Variants in PLEKHG3 observed in about 807,000 individuals in gnomAD.
The protein encoded by PLEKHG3 is pleckstrin homology domain-containing family G member 3.
PLEKHG3 carries 62 observed loss-of-function variants against 94.9 expected under a neutral mutation model. The ratio of observed to expected loss-of-function variants is 0.65; its 90% CI spans 0.53 to 0.81. The LOEUF is 0.81. PLEKHG3 is among the 30% of genes least tolerant of loss of function. PLEKHG3 has a pLI of 0.00. For synonymous variants in PLEKHG3, 614 were observed against 654.0 expected (o/e 0.94, Z 0.93); for missense variants, 1,461 against 1,619.3 (o/e 0.90, Z 1.68).
chr14:64,735,984 G>T (rs1279165960), intron 12 of PLEKHG3, among the ~76,000 whole-genome samples: 2 of 152,248 alleles, frequency 1.3e-5, no homozygotes, highest in Admixed American at 1.3e-4. Context: ...TATGTATGTT[G>T]TGTGTGTCAG....
chr14:64,716,466 A>AC lies in PLEKHG3; in HGVS notation c.-39-11127_-39-11126insC, dbSNP rs1555359403. Among the ~76,000 whole-genome samples, 576 of 86,410 alleles carry AC rather than the reference A, an allele frequency of 6.7e-3. 7 individuals carry two copies. Among genetic ancestry groups the AC allele is most frequent in the South Asian group, 0.014 (37 of 2,634 alleles). 56.7% of individuals were successfully genotyped at this position (86,410 alleles called of 152,430 possible). A position where few individuals can be genotyped will look rare whatever the true frequency, so the allele number is the denominator to read the frequency against. On this transcript the variant is annotated intron_variant, in intron 1 of 16. Transcript: ENST00000247226. This position sits in a 1 kb window ranked among gnomAD's most constrained non-coding sequence, Gnocchi z 5.0. ...CACACACACACACACACACACACAC[A>AC]ACACACACACACACAACACACACAC...
chr14:64,748,911 AG>A lies in PLEKHG3; in HGVS notation c.*5209del, dbSNP rs1248596730. On this transcript the variant is annotated 3_prime_UTR_variant, in exon 17 of 17. Coordinates refer to ENST00000247226, the MANE Select transcript of PLEKHG3 (RefSeq NM_001308147.2). ...TGCTTTAGGAACGGGCAGCGTTTGAAGAACCCCATCAGCCTTCTCCAGCTCT... is the reference window on the plus strand; with the variant it reads ...TGCTTTAGGAACGGGCAGCGTTTGAAAACCCCATCAGCCTTCTCCAGCTCT... 5.4e-6 allele frequency: 1 copy of A among 184,152 alleles called. No individual in the cohort carries two copies. The highest frequency in any genetic ancestry group is 1.1e-5 in the Non-Finnish European group (1 of 90,342). The allele number at this position is 184,152 out of a possible 1,614,324, so 11.4% of individuals were successfully genotyped here.
Position 64,732,301 on chromosome 14 carries a change from A to G in PLEKHG3, c.1212+120A>G. The G allele has an allele frequency of 8.2e-7, 1 of 1,217,988 alleles. No individual in the cohort carries two copies. The highest frequency in any genetic ancestry group is 1.2e-6 in the Non-Finnish European group (1 of 821,302). 75.4% of individuals were successfully genotyped at this position (1,217,988 alleles called of 1,614,324 possible). On this transcript the variant is annotated intron_variant, in intron 10 of 16. Transcript: ENST00000247226. The surrounding 1 kb of genome is among the most constrained non-coding windows in gnomAD (Gnocchi z 4.9). The stretch of plus-strand genomic sequence containing the variant: ...GCTCCAGTGGACAGTGAGTGTCAGT[A>G]CAGCAGATGCCCCGGGCCTTGGTGC...
chr14:64,723,434 AAAG>A lies in PLEKHG3; in HGVS notation c.-39-4157_-39-4155del, dbSNP rs1255642088. On this transcript the variant is annotated intron_variant, in intron 1 of 16. Transcript: ENST00000247226. This position sits in a 1 kb window ranked among gnomAD's most constrained non-coding sequence, Gnocchi z 4.5. ...GACAGAGGGAGACCCTGCCTCAAAA[AAAG>A]AGAAAAGTCTTTGGGGACCTGCTCA... Among the ~76,000 whole-genome samples, 1 of 152,182 alleles carries A rather than the reference AAAG, an allele frequency of 6.6e-6. No individual in the cohort carries two copies. The highest frequency in any genetic ancestry group is 1.9e-4 in the East Asian group (1 of 5,190).
chr14:64,742,645 T>C lies in PLEKHG3; in HGVS notation c.2938+190T>C, dbSNP rs58703532. 9.5e-3 allele frequency among the ~76,000 whole-genome samples: 1,443 copies of C among 152,328 alleles called. 24 individuals carry two copies. Among genetic ancestry groups the C allele is most frequent in the African/African-American group, 0.033 (1,367 of 41,572 alleles). ...CAGTGCTCTGAGGCCAAGCTTGCTC[T>C]CTTGGTTAAGCCCTTTTGATGCCCT... On this transcript the variant is annotated intron_variant, in intron 16 of 16. Coordinates refer to ENST00000247226, the MANE Select transcript of PLEKHG3 (RefSeq NM_001308147.2).
At chr14:64,708,992 C>T (rs1467396166) in intron 1 of PLEKHG3, among the ~76,000 whole-genome samples, 3 of 152,114 alleles carry the variant, frequency 2.0e-5, no homozygotes, top group South Asian at 4.1e-4. Context: ...TGTTGGGTGA[C>T]CTGAAGTCAG....
In PLEKHG3 at chr14:64,731,887, A is replaced by G. The variant is rs1303084219; in HGVS notation, c.1125+81A>G. 2.9e-6 allele frequency: 3 copies of G among 1,047,768 alleles called. No homozygotes were observed. The highest frequency in any genetic ancestry group is 2.6e-5 in the South Asian group (2 of 78,206). The allele number at this position is 1,047,768 out of a possible 1,614,324, so 64.9% of individuals were successfully genotyped here. A position where few individuals can be genotyped will look rare whatever the true frequency, so the allele number is the denominator to read the frequency against. ...CGTGGGACTCCTGGCTCCTCTGCTC[A>G]CCTAGCTGCCCCAAGCCCCAGTGTC... On this transcript the variant is annotated intron_variant, in intron 9 of 16. Coordinates refer to ENST00000247226, the MANE Select transcript of PLEKHG3 (RefSeq NM_001308147.2). The surrounding 1 kb of genome is among the most constrained non-coding windows in gnomAD (Gnocchi z 6.1).
intron 12 of PLEKHG3, 146 bp downstream of exon 12, chr14:64,733,047 G>A (rs753479304): frequency 1.3e-5 from 8 of 592,998 alleles, no homozygotes; most frequent in Admixed American, 3.0e-5. Context: ...ACACACCTGG[G>A]GCTCATCCTC....
At chr14:64,740,820 G>A (rs569469306) in intron 15 of PLEKHG3, among the ~76,000 whole-genome samples, 1 of 152,318 alleles carries the variant, frequency 6.6e-6, no homozygotes, top group African/African-American at 2.4e-5. Flanking sequence ...TTGAGGACAT[G>A]GGCCCAGCAC....
rs749944411 is a variant in PLEKHG3, at chr14:64,731,157, G to A, written c.837G>A (p.Ala279=). 7.4e-6 allele frequency: 12 copies of A among 1,612,308 alleles called. No individual in the cohort carries two copies. The highest frequency in any genetic ancestry group is 5.0e-5 in the Admixed American group (3 of 59,996). ...INDMKRRHEH[A]VRLQEIQSLL... is the part of the protein sequence containing the mutation. ...ACATGAAGAGGAGGCATGAGCACGC[G>A]GTCCGGCTCCAGGTGCTCTGGGGCT... The change falls in exon 7 of 17, where the codon GCG becomes GCA. Residue 279 remains alanine, a synonymous_variant. Transcript: ENST00000247226. This position sits in a 1 kb window ranked among gnomAD's most constrained non-coding sequence, Gnocchi z 6.1.
At chr14:64,719,503 C>G (rs1382329308) in intron 1 of PLEKHG3, among the ~76,000 whole-genome samples, 1 of 151,874 alleles carries the variant, frequency 6.6e-6, no homozygotes. Flanking sequence ...GTGACTTGCC[C>G]AAGGCCACAT....
Position 64,727,286 on chromosome 14 carries a change from T to C in PLEKHG3, c.-39-307T>C, listed in dbSNP as rs894541615. Among the ~76,000 whole-genome samples, 1 of 152,190 alleles carries C rather than the reference T, an allele frequency of 6.6e-6. No individual in the cohort carries two copies. Among genetic ancestry groups the C allele is most frequent in the Non-Finnish European group, 1.5e-5 (1 of 68,016 alleles). On this transcript the variant is annotated intron_variant, in intron 1 of 16. Coordinates refer to ENST00000247226, the MANE Select transcript of PLEKHG3 (RefSeq NM_001308147.2). This position sits in a 1 kb window ranked among gnomAD's most constrained non-coding sequence, Gnocchi z 6.0. ...CACCCTCATCAGTGCTCATAGAGTC[T>C]GAGAACAGGGCCCTTCTTGGGATTC...
chr14:64,716,468 C>A lies in PLEKHG3; in HGVS notation c.-39-11125C>A, dbSNP rs866506829. On this transcript the variant is annotated intron_variant, in intron 1 of 16. Transcript: ENST00000247226. The surrounding 1 kb of genome is among the most constrained non-coding windows in gnomAD (Gnocchi z 5.0). ...CACACACACACACACACACACACAA[C>A]ACACACACACACAACACACACACAC... 0.03 allele frequency among the ~76,000 whole-genome samples: 2,805 copies of A among 92,442 alleles called. 126 individuals carry two copies. Among genetic ancestry groups the A allele is most frequent in the African/African-American group, 0.11 (2,609 of 24,368 alleles). 60.6% of individuals were successfully genotyped at this position (92,442 alleles called of 152,430 possible).
chr14:64,743,268 C>A lies in PLEKHG3; in HGVS notation c.3225C>A (p.Pro1075=). The A allele has an allele frequency of 6.2e-7, 1 of 1,606,818 alleles. No homozygotes were observed. The highest frequency in any genetic ancestry group is 8.5e-7 in the Non-Finnish European group (1 of 1,178,722). ...GGGGCGGCCGGCCCCGCGGCCCACCCGTCAACAGGAGCCACTCGGTGCCGG... is the reference window on the plus strand; with the variant it reads ...GGGGCGGCCGGCCCCGCGGCCCACCAGTCAACAGGAGCCACTCGGTGCCGG... ...RAGGGRPRGP[P]VNRSHSVPEN... is the part of the protein sequence containing the mutation. The change falls in exon 17 of 17, where the codon CCC becomes CCA. Residue 1075 remains proline, a synonymous_variant. Transcript: ENST00000247226. This position sits in a 1 kb window ranked among gnomAD's most constrained non-coding sequence, Gnocchi z 7.2.
Position 64,704,769 on chromosome 14 carries a change from C to G in PLEKHG3, c.-40+65C>G, listed in dbSNP as rs953602662. The G allele has an allele frequency of 2.0e-5, 3 of 152,416 alleles. No individual in the cohort carries two copies. The highest frequency in any genetic ancestry group is 6.5e-5 in the Admixed American group (1 of 15,292). 9.4% of individuals were successfully genotyped at this position (152,416 alleles called of 1,614,324 possible). On this transcript the variant is annotated intron_variant, in intron 1 of 16. Coordinates refer to ENST00000247226, the MANE Select transcript of PLEKHG3 (RefSeq NM_001308147.2). This position sits in a 1 kb window ranked among gnomAD's most constrained non-coding sequence, Gnocchi z 5.6. ...CCTGCATTAGGCTGAGCGGCGGTGC[C>G]GGCAGTCACGCTGGGGCCCCAGTCC... is the stretch of plus-strand genomic sequence containing the variant.
chr14:64,706,827 C>A (rs747808259), intron 1 of PLEKHG3, among the ~76,000 whole-genome samples: 1 of 152,252 alleles, frequency 6.6e-6, no homozygotes, highest in Non-Finnish European at 1.5e-5. Flanking sequence ...ATGCCTTGCC[C>A]GTTCTCTTCT....
rs766978467 is a variant in PLEKHG3 at position 64,741,081 on chromosome 14, G to C, written c.1564G>C (p.Ala522Pro). Residue 522 changes from alanine (A) to proline (P), a missense_variant, in exon 16 of 17, where the codon GCT becomes CCT. Ala to Pro is a conservative substitution (Grantham distance 27, BLOSUM62 -1). Transcript: ENST00000247226. Reference sequence around the variant, plus strand: ...TGGGAGTGAGCAAGAGGTATTTTCTGCTGTGGAAGGGCCCAGTGCCGAGGA... The same window carrying C: ...TGGGAGTGAGCAAGAGGTATTTTCTCCTGTGGAAGGGCCCAGTGCCGAGGA... ...EAGSEQEVFSAVEGPSAEETP... is the reference protein window; with the variant it reads ...EAGSEQEVFSPVEGPSAEETP... 51 of 1,609,100 alleles carry C rather than the reference G, an allele frequency of 3.2e-5. No homozygotes were observed. The highest frequency in any genetic ancestry group is 3.7e-5 in the Non-Finnish European group (44 of 1,176,628).
At chr14:64,709,432 G>C (rs1412516495) in intron 1 of PLEKHG3, among the ~76,000 whole-genome samples, 1 of 152,186 alleles carries the variant, frequency 6.6e-6, no homozygotes, top group Non-Finnish European at 1.5e-5. Context: ...CTCAAGGAAT[G>C]GATTTTTAAG....
In PLEKHG3 at chr14:64,738,091, A is replaced by G. The variant is rs779630512; in HGVS notation, c.1405-651A>G. On this transcript the variant is annotated intron_variant, in intron 14 of 16. Transcript: ENST00000247226. The surrounding 1 kb of genome is among the most constrained non-coding windows in gnomAD (Gnocchi z 4.8). ...GCTGGGCCGGAGCCCCCAGGCTCAG[A>G]GGAGGAGGAGGAGGAGCAGGAGGAG... The G allele has an allele frequency of 4.7e-6, 6 of 1,268,258 alleles. No homozygotes were observed. Among genetic ancestry groups the G allele is most frequent in the Non-Finnish European group, 6.2e-6 (6 of 972,892 alleles). The allele number at this position is 1,268,258 out of a possible 1,614,324, so 78.6% of individuals were successfully genotyped here.
Sources: gnomAD v4.1 joint callset for allele counts (sites outside exome capture counted in the v4.1 genomes callset) on GRCh38, gnomAD v4.1.1 for gene constraint, Gnocchi (gnomAD v3.1) non-coding constraint, MANE v1.5 for transcripts, NCBI Gene and HGNC (gene_info 2026-07-23, HGNC 2026-07-21) for gene names.